LNX1: variants seen among roughly 807,000 people sequenced by gnomAD.
LNX1 encodes the protein E3 ubiquitin-protein ligase LNX.
A neutral mutation model predicts 68.4 loss-of-function variants in LNX1; 54 were observed. The observed-to-expected ratio is 0.79, with a 90% CI of 0.63 to 0.99. The LOEUF is 0.99. Among genes scored for constraint, LNX1 ranks in the 50% least tolerant of loss-of-function variants. The pLI is 0.00. For missense variants in LNX1, 906 were observed against 926.4 expected (o/e 0.98, Z 0.29); for synonymous variants, 336 against 350.0 (o/e 0.96, Z 0.45).
chr4:53,610,647 G>T (rs569696667), intron 2 of LNX1, among the ~76,000 whole-genome samples: 18 of 148,274 alleles, frequency 1.2e-4, no homozygotes, highest in Non-Finnish European at 2.5e-4. Flanking sequence ...GGCAGAGCCT[G>T]CAGTGAGCCG....
At position 53,460,963 on chromosome 4, in the gene LNX1, C is replaced by CTT. The variant is rs750707417; in HGVS notation, c.2129_2130dup (p.Glu711LysfsTer9). On this transcript the variant is annotated frameshift_variant, in exon 11 of 11. Coordinates refer to ENST00000263925, the MANE Select transcript of LNX1 (RefSeq NM_001126328.3). LOFTEE classifies it high-confidence loss of function. ...GTTAGAGTAATTCTTCCTTTAAGTTCTTTCAGCAGTCTTGCCAAGCAAGCA... is the reference window on the plus strand; with the variant it reads ...GTTAGAGTAATTCTTCCTTTAAGTTCTTTTTCAGCAGTCTTGCCAAGCAAGCA... 6.2e-7 allele frequency: 1 copy of CTT among 1,610,182 alleles called. No individual in the cohort carries two copies. Among genetic ancestry groups the CTT allele is most frequent in the East Asian group, 2.2e-5 (1 of 44,696 alleles).
chr4:53,581,813 T>A (rs1392374755), intron 1 of LNX1, among the ~76,000 whole-genome samples: 2 of 152,202 alleles, frequency 1.3e-5, no homozygotes, highest in East Asian at 3.8e-4. Context: ...TCACGCATCT[T>A]GTTTTTGATT....
At chr4:53,579,216 G>C in intron 1 of LNX1, 1 of 969,848 alleles carries the variant, frequency 1.0e-6, no homozygotes, top group Non-Finnish European at 1.2e-6. Context: ...TTTAGAGTAA[G>C]AAAGAGTAGT....
chr4:53,532,110 G>A (rs17082962), intron 2 of LNX1, among the ~76,000 whole-genome samples: 13,456 of 152,220 alleles, frequency 0.088, 582 homozygotes, highest in Non-Finnish European at 0.1. Context: ...CTATGCAATG[G>A]CTTAAGTTCT....
rs368613125 is a variant in LNX1, at chr4:53,478,598, C to T, written c.1630G>A (p.Gly544Arg). The T allele has an allele frequency of 5.6e-6, 9 of 1,613,604 alleles. No individual in the cohort carries two copies. Among genetic ancestry groups the T allele is most frequent in the Non-Finnish European group, 7.6e-6 (9 of 1,179,804 alleles). Residue 544 changes from glycine (G) to arginine (R), a missense_variant, in exon 8 of 11, where the codon GGA (glycine) becomes AGA (arginine). Physicochemically the swap from Gly to Arg is moderately radical, Grantham distance 125. Coordinates refer to ENST00000263925, the MANE Select transcript of LNX1 (RefSeq NM_001126328.3). ...PIYVISVEPGGVISRDGRIKT... is the reference protein window; with the variant it reads ...PIYVISVEPGRVISRDGRIKT... The stretch of plus-strand genomic sequence containing the variant: ...ATTCTTCCATCTCTGCTTATGACTC[C>T]TCCGGGCTCAACACTGATGACATAG...
At chr4:53,496,711 G>T in intron 5 of LNX1, 1 of 274,926 alleles carries the variant, frequency 3.6e-6, no homozygotes, top group Admixed American at 5.0e-5. Flanking sequence ...CAGGAAGAGA[G>T]GGAAGGAAGA....
intron 2 of LNX1, among the ~76,000 whole-genome samples, chr4:53,569,138 T>G (rs1354546265): frequency 6.6e-6 from 1 of 152,048 alleles, no homozygotes; most frequent in East Asian, 1.9e-4. Context: ...CCAATGCCTT[T>G]CTTCACAGAA....
At chr4:53,550,929 A>G (rs1223566799) in intron 2 of LNX1, among the ~76,000 whole-genome samples, 1 of 152,194 alleles carries the variant, frequency 6.6e-6, no homozygotes, top group East Asian at 1.9e-4. Flanking sequence ...CAACCTCCCC[A>G]CTTGAAAGCC....
intron 1 of LNX1, among the ~76,000 whole-genome samples, chr4:53,641,113 A>G (rs1734663811): frequency 1.4e-5 from 2 of 146,670 alleles, no homozygotes; most frequent in African/African-American, 5.0e-5. Context: ...TATTTCCTCA[A>G]TGAACACTGG....
In LNX1 at chr4:53,628,828, A is replaced by G. The variant is rs192895364; in HGVS notation, c.-215+23340T>C. Among the ~76,000 whole-genome samples, 88 of 152,108 alleles carry G rather than the reference A, an allele frequency of 5.8e-4. 1 individual carries two copies. The highest frequency in any genetic ancestry group is 1.0e-4 in the Non-Finnish European group (7 of 68,028). On this transcript the variant is annotated intron_variant, in intron 1 of 2. Transcript: ENST00000507168. The stretch of plus-strand genomic sequence containing the variant: ...AAATGAAATAATGTCTTTTACAATG[A>G]CTTGGACGAAGCAGGAGGCCATTTT...
At chr4:53,510,887 A>G (rs757994257) in intron 2 of LNX1, among the ~76,000 whole-genome samples, 5 of 152,218 alleles carry the variant, frequency 3.3e-5, no homozygotes, top group Non-Finnish European at 5.9e-5. Context: ...TGTCCTAGTA[A>G]AAGAAACTGG....
intron 2 of LNX1, among the ~76,000 whole-genome samples, chr4:53,561,059 T>C (rs1329438441): frequency 6.6e-6 from 1 of 152,172 alleles, no homozygotes; most frequent in Non-Finnish European, 1.5e-5. Flanking sequence ...TTCTTTTCTT[T>C]TCACTAAACA....
At chr4:53,470,410 T>C (rs549241234) in intron 9 of LNX1, among the ~76,000 whole-genome samples, 18 of 152,240 alleles carry the variant, frequency 1.2e-4, no homozygotes, top group African/African-American at 4.3e-4. Context: ...ACTGGAAGCA[T>C]TCACTTTGAA....
chr4:53,617,253 G>A (rs776628044), exon 1 of LNX1: 1 of 152,098 alleles, frequency 6.6e-6, no homozygotes, highest in Non-Finnish European at 1.5e-5. Context: ...CTCACCTTTT[G>A]CAGGGAAGAA....
intron 9 of LNX1, among the ~76,000 whole-genome samples, chr4:53,462,570 G>T (rs1420260921): frequency 1.3e-5 from 2 of 152,096 alleles, no homozygotes; most frequent in East Asian, 3.8e-4. Context: ...AAAGTCTTGT[G>T]AAATGTTAAA....
At chr4:53,550,005 G>A (rs535947826) in intron 2 of LNX1, among the ~76,000 whole-genome samples, 1 of 152,276 alleles carries the variant, frequency 6.6e-6, no homozygotes, top group South Asian at 2.1e-4. Context: ...TTTGGACCAG[G>A]GAGTGAACAG....
intron 2 of LNX1, chr4:53,558,189 C>T (rs1469109081): frequency 1.5e-6 from 2 of 1,331,220 alleles, no homozygotes; most frequent in Admixed American, 3.2e-5. Flanking sequence ...CGCAAGGAGC[C>T]ACCACGGTTG....
intron 4 of LNX1, among the ~76,000 whole-genome samples, chr4:53,504,126 G>A (rs1352496025): frequency 6.6e-6 from 1 of 152,092 alleles, no homozygotes; most frequent in East Asian, 1.9e-4. Flanking sequence ...CAGAGCGAGC[G>A]AGACTCCGTC....
chr4:53,570,664 T>TAATAATA (rs1553939584), intron 2 of LNX1, among the ~76,000 whole-genome samples: 1 of 143,688 alleles, frequency 7.0e-6, no homozygotes, highest in Non-Finnish European at 1.5e-5. Flanking sequence ...TAAAGTATAA[T>TAATAATA]AATAAATAAA....
Sources: gnomAD v4.1 joint callset for allele counts (sites outside exome capture counted in the v4.1 genomes callset) on GRCh38, gnomAD v4.1.1 for gene constraint, MANE v1.5 for transcripts, NCBI Gene and HGNC (gene_info 2026-07-23, HGNC 2026-07-21) for gene names.